Variants in NPAS2 observed in about 807,000 individuals in gnomAD.
The protein encoded by NPAS2 is neuronal PAS domain protein 2.
A neutral mutation model predicts 107.5 loss-of-function variants in NPAS2; 23 were observed. The ratio of observed to expected loss-of-function variants is 0.21; its 90% CI spans 0.15 to 0.30. The LOEUF is 0.30. Ranked by LOEUF, NPAS2 falls within the 10% of genes least tolerant of loss-of-function variation. The pLI is 1.00. For synonymous variants in NPAS2, 403 were observed against 417.5 expected, an observed-to-expected ratio of 0.97 and a Z score of 0.42; for missense variants, 756 against 1,043.3, an observed-to-expected ratio of 0.72 and a Z score of 3.79.
At chr2:100,852,242 A>C (rs952733896) in intron 1 of NPAS2, among the ~76,000 whole-genome samples, 4 of 151,820 alleles carry the variant, frequency 2.6e-5, no homozygotes, top group African/African-American at 9.7e-5. Context: ...TAAAAAATAC[A>C]AAAAATTAGC....
chr2:100,888,954 A>G (rs952865405), intron 1 of NPAS2, among the ~76,000 whole-genome samples: 6 of 152,204 alleles, frequency 3.9e-5, no homozygotes, highest in Non-Finnish European at 8.8e-5. Context: ...TCTCTTTTTA[A>G]AAAGAAAAAT....
intron 5 of NPAS2, among the ~76,000 whole-genome samples, chr2:100,945,342 A>ACAGC (rs1674822848): frequency 6.6e-6 from 1 of 152,074 alleles, no homozygotes; most frequent in African/African-American, 2.4e-5. Flanking sequence ...CCCATGCCCA[A>ACAGC]CAGCGGCTGG....
chr2:100,899,339 T>C (rs1449933341), intron 1 of NPAS2, among the ~76,000 whole-genome samples: 1 of 151,148 alleles, frequency 6.6e-6, no homozygotes, highest in Non-Finnish European at 1.5e-5. Context: ...TTCTCCTGCC[T>C]CACCCTCCCA....
At chr2:100,970,107 C>T (rs1181277859) in intron 11 of NPAS2, among the ~76,000 whole-genome samples, 1 of 152,192 alleles carries the variant, frequency 6.6e-6, no homozygotes, top group Non-Finnish European at 1.5e-5. Context: ...GGGACTTGAT[C>T]TTGGATTCCC....
At position 100,949,500 on chromosome 2, in the gene NPAS2, T is replaced by C. The variant is rs1256814254; in HGVS notation, c.598+20T>C. 1.5e-6 allele frequency: 2 copies of C among 1,345,102 alleles called. No homozygotes were observed. The highest frequency in any genetic ancestry group is 1.1e-6 in the Non-Finnish European group (1 of 936,082). The allele number at this position is 1,345,102 out of a possible 1,614,324, so 83.3% of individuals were successfully genotyped here. ...ACAATGGTAAGCTTTAATTGTCATATAATTGTGACAGTGTCTTTTCTCATG... is the reference window on the plus strand; with the variant it reads ...ACAATGGTAAGCTTTAATTGTCATACAATTGTGACAGTGTCTTTTCTCATG... On this transcript the variant is annotated intron_variant, in intron 7 of 20. Transcript: ENST00000335681.
chr2:100,910,700 G>C (rs1314821442), intron 2 of NPAS2, among the ~76,000 whole-genome samples: 2 of 151,940 alleles, frequency 1.3e-5, no homozygotes, highest in African/African-American at 4.8e-5. Context: ...GGCTAATTTT[G>C]TATTTTTAGT....
chr2:100,958,786 T>C (rs565460060), intron 7 of NPAS2, among the ~76,000 whole-genome samples: 1 of 152,144 alleles, frequency 6.6e-6, no homozygotes, highest in Non-Finnish European at 1.5e-5. Context: ...GGAAGTTCAC[T>C]TTCCTGAACA....
chr2:100,926,809 A>G (rs1189132655), intron 3 of NPAS2, among the ~76,000 whole-genome samples: 1 of 152,078 alleles, frequency 6.6e-6, no homozygotes, highest in African/African-American at 2.4e-5. Context: ...TTAATGTCAA[A>G]TTTATTTTTT....
chr2:100,882,753 C>CCAAGGCAGAGTGT (rs1387567602), intron 1 of NPAS2, among the ~76,000 whole-genome samples: 1 of 152,200 alleles, frequency 6.6e-6, no homozygotes, highest in Non-Finnish European at 1.5e-5. Context: ...GCGACCTCTG[C>CCAAGGCAGAGTGT]CTTGCCTGGG....
intron 2 of NPAS2, among the ~76,000 whole-genome samples, chr2:100,913,302 T>C (rs1452864461): frequency 1.3e-5 from 2 of 152,194 alleles, no homozygotes; most frequent in African/African-American, 4.8e-5. Flanking sequence ...GTTCCGAACA[T>C]AGCTTTCCAA....
upstream of NPAS2, among the ~76,000 whole-genome samples, chr2:100,819,577 C>T (rs1024532106): frequency 1.3e-5 from 2 of 152,144 alleles, no homozygotes; most frequent in African/African-American, 4.8e-5. The surrounding 1 kb of genome is among the most constrained non-coding windows in gnomAD (Gnocchi z 5.8). Flanking sequence ...GCAACCCTGC[C>T]CCTGGAGGAC....
Position 100,968,761 on chromosome 2 carries a change from T to C in NPAS2, c.1055+333T>C, listed in dbSNP as rs1482821812. Among the ~76,000 whole-genome samples, 1 of 152,218 alleles carries C rather than the reference T, an allele frequency of 6.6e-6. No homozygotes were observed. The highest frequency in any genetic ancestry group is 2.4e-5 in the African/African-American group (1 of 41,454). ...ACCTACTTACATATTTTCCCATCTCTATCCAGCCCACAGCCTTCCCTTGTT... is the reference window on the plus strand; with the variant it reads ...ACCTACTTACATATTTTCCCATCTCCATCCAGCCCACAGCCTTCCCTTGTT... On this transcript the variant is annotated intron_variant, in intron 11 of 20. Transcript: ENST00000335681. This position sits in a 1 kb window ranked among gnomAD's most constrained non-coding sequence, Gnocchi z 5.3.
At chr2:100,981,120 A>G (rs940738676) in intron 15 of NPAS2, among the ~76,000 whole-genome samples, 2 of 152,136 alleles carry the variant, frequency 1.3e-5, no homozygotes, top group Non-Finnish European at 2.9e-5. Flanking sequence ...TTCAAAAGCT[A>G]TGCTTTCAGT....
At chr2:100,882,220 G>A (rs977697851) in intron 1 of NPAS2, among the ~76,000 whole-genome samples, 8 of 152,158 alleles carry the variant, frequency 5.3e-5, no homozygotes, top group African/African-American at 1.7e-4. Flanking sequence ...TCACCCCCAG[G>A]AAGGCGGCAC....
At chr2:100,937,472 C>T (rs1466893869) in intron 4 of NPAS2, among the ~76,000 whole-genome samples, 2 of 152,190 alleles carry the variant, frequency 1.3e-5, no homozygotes, top group African/African-American at 2.4e-5. Context: ...ATTAAACCTA[C>T]TTAGGGAATT....
At position 100,978,503 on chromosome 2, in the gene NPAS2, T is replaced by C. The variant is rs1250024166; in HGVS notation, c.1482+704T>C. ...TCTAAAAGCCGTGAGTCCAGCACTA[T>C]AAATATCACATTTGTTTAAAAAAAA... On this transcript the variant is annotated intron_variant, in intron 15 of 20. Coordinates refer to ENST00000335681, the MANE Select transcript of NPAS2 (RefSeq NM_002518.4). 6.6e-5 allele frequency among the ~76,000 whole-genome samples: 10 copies of C among 151,212 alleles called. No homozygotes were observed. The East Asian group carries it at 1.9e-3, about 29-fold the overall frequency.
chr2:100,993,564 TG>T, intron 20 of NPAS2, 37 bp downstream of exon 20: 1 of 1,448,540 alleles, frequency 6.9e-7, no homozygotes, highest in Non-Finnish European at 9.2e-7. Flanking sequence ...CGTGCAGGCC[TG>T]GGAGCCGGGC....
chr2:100,821,131 G>A (rs1558778373), intron 1 of NPAS2: 1 of 1,304,584 alleles, frequency 7.7e-7, no homozygotes, highest in African/African-American at 1.5e-5. Flanking sequence ...CCAGGGAAGG[G>A]ACAGGCACCA....
chr2:100,854,403 C>T (rs1411658344), intron 1 of NPAS2, among the ~76,000 whole-genome samples: 2 of 152,124 alleles, frequency 1.3e-5, no homozygotes, highest in Admixed American at 1.3e-4. Flanking sequence ...AGACCTCAAC[C>T]AGGGCCTCAG....
Sources: allele counts gnomAD v4.1 joint callset (sites outside exome capture counted in the v4.1 genomes callset), GRCh38; gene constraint gnomAD v4.1.1; non-coding constraint Gnocchi (gnomAD v3.1); transcripts MANE v1.5; gene names NCBI Gene and HGNC (gene_info 2026-07-23, HGNC 2026-07-21).